Variants in UBE2Q2 observed in about 807,000 individuals in gnomAD.
UBE2Q2 encodes ubiquitin-conjugating enzyme E2 Q2.
Under a neutral mutation model 59.9 loss-of-function variants are expected in UBE2Q2, and 54 were observed. The observed-to-expected ratio is 0.90, with a 90% CI of 0.72 to 1.13. The LOEUF (loss-of-function observed/expected upper bound fraction) is 1.13. UBE2Q2 is among the 50% of genes most tolerant of loss of function. The pLI is 0.00. For synonymous variants in UBE2Q2, 165 were observed against 155.2 expected, an observed-to-expected ratio of 1.06 and a Z score of -0.47; for missense variants, 433 against 441.9, an observed-to-expected ratio of 0.98 and a Z score of 0.18.
At chr15:75,886,167 T>A (rs1191041806) in intron 9 of UBE2Q2, among the ~76,000 whole-genome samples, 1 of 151,992 alleles carries the variant, frequency 6.6e-6, no homozygotes, top group Non-Finnish European at 1.5e-5. Flanking sequence ...TTGCCCAGGC[T>A]GGAGTGCAGT....
At chr15:75,844,305 G>A (rs541417341) in intron 1 of UBE2Q2, 139 of 1,547,012 alleles carry the variant, frequency 9.0e-5, no homozygotes, top group African/African-American at 5.8e-4. Context: ...CCTTCTTCCC[G>A]CTTGTTCAGC....
chr15:75,891,218 G>A (rs765212835), intron 11 of UBE2Q2, among the ~76,000 whole-genome samples: 5 of 151,972 alleles, frequency 3.3e-5, no homozygotes, highest in African/African-American at 7.3e-5. Context: ...TAATGATTTC[G>A]TATCTGTTTT....
chr15:75,866,058 A>G (rs1897459038), intron 3 of UBE2Q2, among the ~76,000 whole-genome samples: 1 of 152,202 alleles, frequency 6.6e-6, no homozygotes. Context: ...TTTGTTACAA[A>G]TGAAAAGTCT....
intron 3 of UBE2Q2, among the ~76,000 whole-genome samples, chr15:75,863,358 C>T (rs541979688): frequency 3.9e-5 from 6 of 152,104 alleles, no homozygotes; most frequent in East Asian, 1.9e-4. Flanking sequence ...TATTCTTCAC[C>T]GTAATTCTAG....
chr15:75,862,998 T>C (rs1420655505), intron 3 of UBE2Q2, among the ~76,000 whole-genome samples: 12 of 152,048 alleles, frequency 7.9e-5, no homozygotes, highest in Non-Finnish European at 1.6e-4. Flanking sequence ...GGAGATGAAA[T>C]CTGTGTTCTT....
rs558907750 is a variant in UBE2Q2, at chr15:75,884,253, A to G, written c.884+829A>G. On this transcript the variant is annotated intron_variant, in intron 9 of 12. Transcript: ENST00000267938. ...AATTCTATTATGTGACATAATCTAC[A>G]TTATGGTGGTTAAAATCTAAATATA... Among the ~76,000 whole-genome samples, 689 of 152,338 alleles carry G rather than the reference A, an allele frequency of 4.5e-3. 1 individual carries two copies. The highest frequency in any genetic ancestry group is 0.014 in the Middle Eastern group (4 of 294).
intron 5 of UBE2Q2, among the ~76,000 whole-genome samples, chr15:75,875,911 C>A (rs553366669): frequency 3.3e-5 from 5 of 151,194 alleles, no homozygotes; most frequent in Admixed American, 1.3e-4. Context: ...AAAAAAAATA[C>A]AAAATTTAGC....
At chr15:75,889,536 G>A (rs1898975035) in intron 9 of UBE2Q2, among the ~76,000 whole-genome samples, 1 of 152,052 alleles carries the variant, frequency 6.6e-6, no homozygotes, top group Non-Finnish European at 1.5e-5. Context: ...CAAGTCTTCT[G>A]GGGGGAAATA....
intron 1 of UBE2Q2, among the ~76,000 whole-genome samples, chr15:75,852,976 T>C (rs1344099868): frequency 3.3e-5 from 5 of 152,216 alleles, no homozygotes; most frequent in African/African-American, 4.8e-5. Flanking sequence ...CTCAAAGCAG[T>C]GTTTCCTAAA....
At chr15:75,892,066 A>G (rs1051055861) in intron 11 of UBE2Q2, among the ~76,000 whole-genome samples, 1 of 152,128 alleles carries the variant, frequency 6.6e-6, no homozygotes, top group Non-Finnish European at 1.5e-5. Context: ...TGTTTTTTCC[A>G]GGGTAGGAGG....
chr15:75,885,379 G>A (rs1898702160), intron 9 of UBE2Q2, among the ~76,000 whole-genome samples: 1 of 152,158 alleles, frequency 6.6e-6, no homozygotes, highest in Admixed American at 6.5e-5. Context: ...GCCTCCCAAA[G>A]TGCTGGGATT....
chr15:75,887,384 T>C (rs1007455742), intron 9 of UBE2Q2, among the ~76,000 whole-genome samples: 4 of 152,006 alleles, frequency 2.6e-5, no homozygotes, highest in African/African-American at 7.3e-5. Flanking sequence ...TGAAGGAAAA[T>C]GATTTACATA....
Position 75,859,940 on chromosome 15 carries a change from C to A in UBE2Q2, c.345C>A (p.His115Gln), listed in dbSNP as rs764998674. The change falls in exon 3 of 13, where the codon CAC (histidine) becomes CAA (glutamine). Residue 115 changes from histidine to glutamine, a missense_variant. By Grantham distance (24) the His-to-Gln change is conservative. Coordinates refer to ENST00000267938, the MANE Select transcript of UBE2Q2 (RefSeq NM_173469.4). ...ELCSLYNLPKHLDVEMLDQPL... is the reference protein window; with the variant it reads ...ELCSLYNLPKQLDVEMLDQPL... ...GCAGTTTATATAACCTTCCTAAGCA[C>A]CTGGATGTTGAGATGCTAGATCAAC... is the stretch of plus-strand genomic sequence containing the variant. The A allele has an allele frequency of 6.2e-7, 1 of 1,604,424 alleles. No homozygotes were observed. The highest frequency in any genetic ancestry group is 8.5e-7 in the Non-Finnish European group (1 of 1,177,086).
Position 75,886,125 on chromosome 15 carries a change from G to GT in UBE2Q2, c.884+2713dup, listed in dbSNP as rs5813808. Reference sequence around the variant, plus strand: ...GAAATGACATAACTATTGTGTTTTAGTTTTTTTTTTTTGAGACAGAGTCTC... The same window carrying GT: ...GAAATGACATAACTATTGTGTTTTAGTTTTTTTTTTTTTGAGACAGAGTCTC... On this transcript the variant is annotated intron_variant, in intron 9 of 12. Transcript: ENST00000267938. 3.3e-3 allele frequency among the ~76,000 whole-genome samples: 490 copies of GT among 147,810 alleles called. 1 individual carries two copies. The highest frequency in any genetic ancestry group is 5.1e-3 in the Non-Finnish European group (341 of 66,642).
At chr15:75,886,715 C>T (rs1162459612) in intron 9 of UBE2Q2, among the ~76,000 whole-genome samples, 4 of 151,916 alleles carry the variant, frequency 2.6e-5, no homozygotes, top group South Asian at 2.1e-4. Context: ...GGCAAAACCC[C>T]GTCTCTACTA....
At position 75,866,850 on chromosome 15, in the gene UBE2Q2, CA is replaced by C. The variant is rs528963547; in HGVS notation, c.388-2099del. Among the ~76,000 whole-genome samples, 87 of 152,244 alleles carry C rather than the reference CA, an allele frequency of 5.7e-4. 1 individual carries two copies. In the East Asian group the frequency reaches 0.015, roughly 26 times the overall value. On this transcript the variant is annotated intron_variant, in intron 3 of 12. Transcript: ENST00000267938. ...TTATTTTGTGGATGCAGTATCTTCCCAATTACTGCTAAAGATCCCAATTAGG... is the reference window on the plus strand; with the variant it reads ...TTATTTTGTGGATGCAGTATCTTCCCATTACTGCTAAAGATCCCAATTAGG...
In UBE2Q2 at chr15:75,900,597, A is replaced by G. The variant is rs1567047670; in HGVS notation, c.*1139A>G. 1 of 152,606 alleles carries G rather than the reference A, an allele frequency of 6.6e-6. No homozygotes were observed. Among genetic ancestry groups the G allele is most frequent in the Non-Finnish European group, 1.5e-5 (1 of 68,038 alleles). The allele number at this position is 152,606 out of a possible 1,614,324, so 9.5% of individuals were successfully genotyped here. A position where few individuals can be genotyped will look rare whatever the true frequency, so the allele number is the denominator to read the frequency against. On this transcript the variant is annotated 3_prime_UTR_variant, in exon 13 of 13. Transcript: ENST00000267938. ...CAAATCCAGAAGCACATTTTTCTGCACAAACAAGTTACAAAGTTCAAAAGT... is the reference window on the plus strand; with the variant it reads ...CAAATCCAGAAGCACATTTTTCTGCGCAAACAAGTTACAAAGTTCAAAAGT...
At chr15:75,866,018 C>T (rs973335419) in intron 3 of UBE2Q2, among the ~76,000 whole-genome samples, 1 of 152,066 alleles carries the variant, frequency 6.6e-6, no homozygotes, top group African/African-American at 2.4e-5. Flanking sequence ...TGAGTCTATT[C>T]CCAGTTCTTT....
At position 75,873,447 on chromosome 15, in the gene UBE2Q2, A is replaced by G. The variant is rs1178855035; in HGVS notation, c.467A>G (p.His156Arg). 5.6e-6 allele frequency: 9 copies of G among 1,611,576 alleles called. No homozygotes were observed. The highest frequency in any genetic ancestry group is 3.4e-5 in the Admixed American group (2 of 59,644). Residue 156 changes from histidine to arginine, a missense_variant, in exon 5 of 13, where the codon CAC (histidine) becomes CGC (arginine). Physicochemically the swap from His to Arg is conservative, Grantham distance 29. Transcript: ENST00000267938. ...EMAEDIEDLD[H>R]YEMKEEEPIS... ...TTGTAGGATATAGAAGACTTAGATC[A>G]CTATGAGATGAAGGAAGAAGAGCCT...
Sources: allele counts gnomAD v4.1 joint callset (sites outside exome capture counted in the v4.1 genomes callset), GRCh38; gene constraint gnomAD v4.1.1; transcripts MANE v1.5; gene names NCBI Gene and HGNC (gene_info 2026-07-23, HGNC 2026-07-21).